The following PPEF2 variants were observed in gnomAD, a reference collection of about 807,000 sequenced individuals.
The protein encoded by PPEF2 is protein phosphatase with EF-hand domain 2.
PPEF2 carries 84 observed loss-of-function variants against 84.7 expected under a neutral mutation model. The observed-to-expected ratio is 0.99, with a 90% CI of 0.83 to 1.19. The LOEUF is 1.19. PPEF2 is among the 50% of genes most tolerant of loss of function. The probability of loss-of-function intolerance (pLI) is 0.00; values close to 1 mark genes in which losing one functional copy is unlikely to be tolerated. For missense variants in PPEF2, 924 were observed against 937.5 expected (o/e 0.99, Z 0.19); for synonymous variants, 346 against 345.2 (o/e 1.00, Z -0.03).
At chr4:75,890,438 G>C (rs1249246186) in intron 4 of PPEF2, among the ~76,000 whole-genome samples, 1 of 146,088 alleles carries the variant, frequency 6.8e-6, no homozygotes, top group Non-Finnish European at 1.5e-5. Context: ...TCAATGAGCA[G>C]AGATGATACT....
chr4:75,877,598 C>T (rs180948147), intron 10 of PPEF2, among the ~76,000 whole-genome samples: 2 of 151,916 alleles, frequency 1.3e-5, no homozygotes, highest in South Asian at 2.1e-4. Context: ...GAAACATTGA[C>T]AGCAATATGA....
chr4:75,871,439 G>A (rs1284065732), intron 13 of PPEF2, among the ~76,000 whole-genome samples: 4 of 151,966 alleles, frequency 2.6e-5, no homozygotes, highest in East Asian at 1.9e-4. Flanking sequence ...TACCCAAGAC[G>A]CAGCCATGGA....
At chr4:75,884,539 A>G (rs7666135) in intron 8 of PPEF2, 55 bp downstream of exon 8, 1,432,106 of 1,485,404 alleles carry the variant, frequency 0.96, 696,146 homozygotes, top group East Asian at 1. Flanking sequence ...GAGAAATAAC[A>G]TTTTACAATT....
At chr4:75,872,800 A>C (rs1441668723) in intron 12 of PPEF2, among the ~76,000 whole-genome samples, 1 of 152,232 alleles carries the variant, frequency 6.6e-6, no homozygotes, top group African/African-American at 2.4e-5. Flanking sequence ...CTGAGAAGAC[A>C]AATGAGCCTG....
chr4:75,876,363 T>C lies in PPEF2; in HGVS notation c.1244A>G (p.Glu415Gly), dbSNP rs1724410269. 6.2e-7 allele frequency: 1 copy of C among 1,614,042 alleles called. No homozygotes were observed. Among genetic ancestry groups the C allele is most frequent in the Non-Finnish European group, 8.5e-7 (1 of 1,180,018 alleles). ...AGLLVTGEKE[E>G]PSRSASEADS... ...TGCTTCTGAGGCTGAGCGGGAGGGC[T>C]CCTCTTTCTCTCCGGTCACCAGGAG... The change falls in exon 11 of 17, where the codon GAG becomes GGG. Residue 415 changes from glutamate to glycine, a missense_variant. Physicochemically the swap from Glu to Gly is moderately conservative, Grantham distance 98 (BLOSUM62 -2). Coordinates refer to ENST00000286719, the MANE Select transcript of PPEF2 (RefSeq NM_006239.3).
In PPEF2 at chr4:75,872,078, A is replaced by AT; in HGVS notation, c.1595dup (p.His532GlnfsTer8). 1 of 1,613,820 alleles carries AT rather than the reference A, an allele frequency of 6.2e-7. No individual in the cohort carries two copies. Among genetic ancestry groups the AT allele is most frequent in the Non-Finnish European group, 8.5e-7 (1 of 1,179,764 alleles). ...CCTTGTTAGCTTGATACTGCACAAT[A>AT]TGTGGGGTCAGGGCTGGCCCCAGTT... On this transcript the variant is annotated frameshift_variant, in exon 13 of 17. Transcript: ENST00000286719. LOFTEE classifies it high-confidence loss of function.
At chr4:75,881,065 G>C (rs1170255558) in intron 10 of PPEF2, among the ~76,000 whole-genome samples, 2 of 150,362 alleles carry the variant, frequency 1.3e-5, no homozygotes, top group African/African-American at 4.9e-5. Context: ...CTCCCAAAGT[G>C]CTGGGATTAC....
At position 75,869,692 on chromosome 4, in the gene PPEF2, T is replaced by A. The variant is rs540017314; in HGVS notation, c.1650-2273A>T. On this transcript the variant is annotated intron_variant, in intron 13 of 16. Coordinates refer to ENST00000286719, the MANE Select transcript of PPEF2 (RefSeq NM_006239.3). Reference sequence around the variant, plus strand: ...TGAGACTTCGTCTCTACAAAAAATTTAAAAAATTAGCTGGGCATGATGGCG... The same window carrying A: ...TGAGACTTCGTCTCTACAAAAAATTAAAAAAATTAGCTGGGCATGATGGCG... 4.6e-5 allele frequency among the ~76,000 whole-genome samples: 7 copies of A among 151,956 alleles called. No individual in the cohort carries two copies. In the South Asian group the frequency reaches 1.5e-3, roughly 32 times the overall value.
At position 75,860,842 on chromosome 4, in the gene PPEF2, C is replaced by A. The variant is rs1334138441; in HGVS notation, c.2087G>T (p.Cys696Phe). 6.2e-7 allele frequency: 1 copy of A among 1,614,010 alleles called. No homozygotes were observed. The highest frequency in any genetic ancestry group is 1.3e-5 in the African/African-American group (1 of 74,938). Residue 696 changes from cysteine to phenylalanine, a missense_variant, in exon 17 of 17, where the codon TGC becomes TTC. By Grantham distance (205) the Cys-to-Phe change is radical. Coordinates refer to ENST00000286719, the MANE Select transcript of PPEF2 (RefSeq NM_006239.3). ...SHMNIDITDDCICDLARSIDF... is the reference protein window; with the variant it reads ...SHMNIDITDDFICDLARSIDF... The stretch of plus-strand genomic sequence containing the variant: ...AATGCTCCGAGCAAGGTCACAGATG[C>A]AGTCATCTGTAATGTCGATATTCAT...
chr4:75,885,477 T>C (rs1170594954), intron 7 of PPEF2, among the ~76,000 whole-genome samples: 1 of 152,162 alleles, frequency 6.6e-6, no homozygotes, highest in South Asian at 2.1e-4. Flanking sequence ...CATTTTAAGT[T>C]TGTTAAATAG....
At position 75,882,476 on chromosome 4, in the gene PPEF2, A is replaced by G. The variant is rs1724601998; in HGVS notation, c.933+450T>C. 8.6e-5 allele frequency among the ~76,000 whole-genome samples: 13 copies of G among 151,928 alleles called. No homozygotes were observed. The South Asian group carries it at 2.1e-3, about 24-fold the overall frequency. On this transcript the variant is annotated intron_variant, in intron 10 of 16. Transcript: ENST00000286719. ...GTTGCTACTCCCCACTGGCATGTAC[A>G]TGGTAGACATGACTAAGTGACTACA...
rs113218558 is a variant in PPEF2 at position 75,881,188 on chromosome 4, C to T, written c.933+1738G>A. ...GATCTCAGCTCACCAAAACCTCTGC[C>T]TCCCGGGTTCAAGCGATTCTCCTGC... On this transcript the variant is annotated intron_variant, in intron 10 of 16. Coordinates refer to ENST00000286719, the MANE Select transcript of PPEF2 (RefSeq NM_006239.3). 26 of 151,684 alleles carry T rather than the reference C, an allele frequency of 1.7e-4. 1 individual carries two copies. The highest frequency in any genetic ancestry group is 5.3e-4 in the African/African-American group (22 of 41,248). The allele number at this position is 151,684 out of a possible 1,614,324, so 9.4% of individuals were successfully genotyped here. A position where few individuals can be genotyped will look rare whatever the true frequency, so the allele number is the denominator to read the frequency against.
At chr4:75,897,584 C>A (rs1725036846) in intron 1 of PPEF2, among the ~76,000 whole-genome samples, 1 of 152,132 alleles carries the variant, frequency 6.6e-6, no homozygotes, top group Non-Finnish European at 1.5e-5. Context: ...ACCAGCCTGG[C>A]CAACATGGTG....
At chr4:75,875,395 C>T (rs992178595) in intron 11 of PPEF2, among the ~76,000 whole-genome samples, 1 of 152,058 alleles carries the variant, frequency 6.6e-6, no homozygotes. Context: ...ATTGCTTGAG[C>T]CTCAGGGGTT....
chr4:75,887,544 C>T (rs1724759690), intron 6 of PPEF2, among the ~76,000 whole-genome samples: 1 of 151,448 alleles, frequency 6.6e-6, no homozygotes, highest in African/African-American at 2.4e-5. Flanking sequence ...TCGTGTGAAC[C>T]CGGGAGGCGG....
At chr4:75,874,135 T>C (rs558016137) in intron 11 of PPEF2, among the ~76,000 whole-genome samples, 85 of 150,960 alleles carry the variant, frequency 5.6e-4, no homozygotes, top group South Asian at 2.3e-3. Flanking sequence ...AACAAATAAA[T>C]AAATAAATAA....
intron 11 of PPEF2, among the ~76,000 whole-genome samples, chr4:75,875,389 C>T (rs1261855608): frequency 6.6e-6 from 1 of 152,100 alleles, no homozygotes; most frequent in Non-Finnish European, 1.5e-5. Context: ...TGGGTGATTG[C>T]TTGAGCCTCA....
chr4:75,862,598 G>C (rs973141165), intron 16 of PPEF2, among the ~76,000 whole-genome samples: 1 of 151,668 alleles, frequency 6.6e-6, no homozygotes, highest in African/African-American at 2.4e-5. Context: ...CCGCAGAATG[G>C]GTATAATAAA....
chr4:75,868,785 T>C (rs1724196196), intron 13 of PPEF2, among the ~76,000 whole-genome samples: 1 of 152,032 alleles, frequency 6.6e-6, no homozygotes, highest in Non-Finnish European at 1.5e-5. Context: ...GGAGGATCAC[T>C]TGAGGCCAGG....
Sources: gnomAD v4.1 joint callset for allele counts (sites outside exome capture counted in the v4.1 genomes callset) on GRCh38, gnomAD v4.1.1 for gene constraint, MANE v1.5 for transcripts, NCBI Gene and HGNC (gene_info 2026-07-23, HGNC 2026-07-21) for gene names.